The following KLHL29 variants were observed in gnomAD, a reference collection of about 807,000 sequenced individuals.
KLHL29 encodes kelch-like protein 29.
Under a neutral mutation model 80.4 loss-of-function variants are expected in KLHL29, and 21 were observed. The ratio of observed to expected loss-of-function variants is 0.26; its 90% CI spans 0.19 to 0.38. The LOEUF is 0.38. Among genes scored for constraint, KLHL29 ranks in the 10% least tolerant of loss-of-function variants. KLHL29 has a pLI of 1.00. For missense variants in KLHL29, 867 were observed against 1,223.9 expected (o/e 0.71, Z 4.35); for synonymous variants, 511 against 526.8 (o/e 0.97, Z 0.41).
intron 2 of KLHL29, among the ~76,000 whole-genome samples, chr2:23,479,843 ATCC>A (rs1372052370): frequency 6.6e-6 from 1 of 152,190 alleles, no homozygotes; most frequent in African/African-American, 2.4e-5. Context: ...GACAGGGATC[ATCC>A]TCTTTTCTCT....
intron 1 of KLHL29, among the ~76,000 whole-genome samples, chr2:23,396,592 G>A (rs936533156): frequency 6.6e-6 from 1 of 152,156 alleles, no homozygotes. Flanking sequence ...CGTGCAGTGC[G>A]CTTGTCAGGC....
chr2:23,573,951 G>A (rs1021236401), intron 3 of KLHL29, among the ~76,000 whole-genome samples: 1 of 152,166 alleles, frequency 6.6e-6, no homozygotes, highest in Admixed American at 6.5e-5. Context: ...ACGGCCATCA[G>A]GACCATCTGC....
chr2:23,635,444 G>T (rs1669582935), intron 3 of KLHL29, among the ~76,000 whole-genome samples: 1 of 152,196 alleles, frequency 6.6e-6, no homozygotes. Context: ...TGAGACTGCT[G>T]CAGGGTGGAG....
intron 7 of KLHL29, among the ~76,000 whole-genome samples, chr2:23,692,991 T>C (rs913532450): frequency 6.6e-6 from 1 of 151,892 alleles, no homozygotes; most frequent in Non-Finnish European, 1.5e-5. Context: ...TGAGCAGGGC[T>C]CTCCTGCTCC....
At chr2:23,670,784 G>C (rs555314993) in intron 5 of KLHL29, among the ~76,000 whole-genome samples, 1 of 151,784 alleles carries the variant, frequency 6.6e-6, no homozygotes, top group East Asian at 2.0e-4. Flanking sequence ...AAACTGACCC[G>C]GGCCAGGTTG....
chr2:23,579,778 T>C (rs1034312083), intron 3 of KLHL29, among the ~76,000 whole-genome samples: 3 of 152,200 alleles, frequency 2.0e-5, no homozygotes, highest in African/African-American at 7.2e-5. Context: ...TCCCACCTCT[T>C]CTGGCTTCAC....
Position 23,700,153 on chromosome 2 carries a change from A to G in KLHL29, c.2106-3033A>G, listed in dbSNP as rs1672274632. ...CTCTTTCATACACATTTAATCTTTC[A>G]TTATCCAGTTGGACTCCTTCCTATT... On this transcript the variant is annotated intron_variant, in intron 11 of 13. Coordinates refer to ENST00000486442, the MANE Select transcript of KLHL29 (RefSeq NM_052920.2). The surrounding 1 kb of genome is among the most constrained non-coding windows in gnomAD (Gnocchi z 4.6). Among the ~76,000 whole-genome samples the G allele has an allele frequency of 1.3e-5, 2 of 152,154 alleles. No individual in the cohort carries two copies. Among genetic ancestry groups the G allele is most frequent in the Non-Finnish European group, 2.9e-5 (2 of 68,024 alleles).
chr2:23,390,534 A>G (rs1666291667), intron 1 of KLHL29, among the ~76,000 whole-genome samples: 1 of 152,154 alleles, frequency 6.6e-6, no homozygotes, highest in East Asian at 1.9e-4. Flanking sequence ...ATATTTGTAA[A>G]CAGATAATCA....
chr2:23,696,247 C>T lies in KLHL29; in HGVS notation c.1925-86C>T. The T allele has an allele frequency of 6.7e-7, 1 of 1,482,802 alleles. No homozygotes were observed. Among genetic ancestry groups the T allele is most frequent in the Non-Finnish European group, 9.2e-7 (1 of 1,092,180 alleles). 91.9% of individuals were successfully genotyped at this position (1,482,802 alleles called of 1,614,324 possible). On this transcript the variant is annotated intron_variant, in intron 10 of 13. Transcript: ENST00000486442. The surrounding 1 kb of genome is among the most constrained non-coding windows in gnomAD (Gnocchi z 5.5). ...AGAAGTGTCTACTTTGCAGGTGAAG[C>T]CTTCCTCTGCCCCTGGGGCTGGGCC...
At chr2:23,591,285 G>A (rs1668254188) in intron 3 of KLHL29, among the ~76,000 whole-genome samples, 1 of 152,146 alleles carries the variant, frequency 6.6e-6, no homozygotes, top group Admixed American at 6.5e-5. Flanking sequence ...CGGCTGCCCT[G>A]CAGACTAAAC....
intron 5 of KLHL29, 156 bp downstream of exon 5, chr2:23,643,006 A>C: frequency 1.1e-6 from 1 of 896,310 alleles, no homozygotes; most frequent in Non-Finnish European, 1.8e-6. Flanking sequence ...TGCCCAAGAC[A>C]ACTGGCCTGA....
chr2:23,400,840 G>T (rs942754568), intron 1 of KLHL29, among the ~76,000 whole-genome samples: 1 of 152,194 alleles, frequency 6.6e-6, no homozygotes, highest in Non-Finnish European at 1.5e-5. Context: ...TCTCTAAGTG[G>T]TATGGGAGGG....
chr2:23,449,652 T>TCA (rs1340623367), intron 1 of KLHL29, among the ~76,000 whole-genome samples: 3 of 152,142 alleles, frequency 2.0e-5, no homozygotes, highest in Non-Finnish European at 2.9e-5. Flanking sequence ...CTAAAGCCAG[T>TCA]CACACAGTCA....
At chr2:23,517,939 T>C (rs1023965016) in intron 2 of KLHL29, among the ~76,000 whole-genome samples, 4 of 152,220 alleles carry the variant, frequency 2.6e-5, no homozygotes, top group African/African-American at 9.6e-5. Flanking sequence ...CAGACCCTCA[T>C]GGACAAGTCA....
At chr2:23,452,196 T>G (rs937971726) in intron 1 of KLHL29, among the ~76,000 whole-genome samples, 8 of 151,674 alleles carry the variant, frequency 5.3e-5, no homozygotes, top group Non-Finnish European at 7.4e-5. Flanking sequence ...TTTTTCTTTT[T>G]TTTTTTTTAG....
At position 23,389,699 on chromosome 2, in the gene KLHL29, AG is replaced by A. The variant is rs370112659; in HGVS notation, c.-154+3927del. Reference sequence around the variant, plus strand: ...CAAGACCTAGTCTCAGAAAAAAAAAAGGGGGGGGCGGAATATATGTTTAAAC... The same window carrying A: ...CAAGACCTAGTCTCAGAAAAAAAAAAGGGGGGGCGGAATATATGTTTAAAC... On this transcript the variant is annotated intron_variant, in intron 1 of 13. Coordinates refer to ENST00000486442, the MANE Select transcript of KLHL29 (RefSeq NM_052920.2). Among the ~76,000 whole-genome samples, 8 of 150,544 alleles carry A rather than the reference AG, an allele frequency of 5.3e-5. No homozygotes were observed. In the East Asian group the frequency reaches 5.8e-4, roughly 11 times the overall value.
chr2:23,421,542 G>A (rs866765203), intron 1 of KLHL29, among the ~76,000 whole-genome samples: 3,597 of 145,014 alleles, frequency 0.025, 158 homozygotes, highest in African/African-American at 0.091. Flanking sequence ...GTGTGTGTGT[G>A]TGTGTGTGTG....
intron 3 of KLHL29, among the ~76,000 whole-genome samples, chr2:23,620,060 G>A (rs1669129708): frequency 6.6e-6 from 1 of 152,182 alleles, no homozygotes; most frequent in South Asian, 2.1e-4. Flanking sequence ...CTTCTCCGAG[G>A]GGAGGCCACT....
Position 23,627,938 on chromosome 2 carries a change from G to A in KLHL29, c.286-11201G>A, listed in dbSNP as rs1457757237. Among the ~76,000 whole-genome samples the A allele has an allele frequency of 1.2e-4, 15 of 129,660 alleles. No individual in the cohort carries two copies. In the East Asian group the frequency reaches 2.4e-3, roughly 21 times the overall value. 85.1% of individuals were successfully genotyped at this position (129,660 alleles called of 152,430 possible). On this transcript the variant is annotated intron_variant, in intron 3 of 13. Coordinates refer to ENST00000486442, the MANE Select transcript of KLHL29 (RefSeq NM_052920.2). Reference sequence around the variant, plus strand: ...TTTTTTTTTTTTGAGATGGAGTCTCGCTCTTGTCACCCAGGCTGGAGGGCA... The same window carrying A: ...TTTTTTTTTTTTGAGATGGAGTCTCACTCTTGTCACCCAGGCTGGAGGGCA...
Sources: gnomAD v4.1 joint callset for allele counts (sites outside exome capture counted in the v4.1 genomes callset) on GRCh38, gnomAD v4.1.1 for gene constraint, Gnocchi (gnomAD v3.1) non-coding constraint, MANE v1.5 for transcripts, NCBI Gene and HGNC (gene_info 2026-07-23, HGNC 2026-07-21) for gene names.